FTO: variants seen among roughly 807,000 people sequenced by gnomAD.
The protein encoded by FTO is FTO alpha-ketoglutarate dependent dioxygenase, also known as alpha-ketoglutarate-dependent dioxygenase FTO.
In FTO, 47 loss-of-function variants were observed where a neutral mutation model predicts 63.9. That is an observed-to-expected ratio of 0.74 (90% CI 0.58 to 0.94). FTO has a LOEUF of 0.94. FTO is among the 40% of genes least tolerant of loss of function. FTO has a pLI of 0.00. For synonymous variants in FTO, 207 were observed against 224.4 expected (o/e 0.92, Z 0.69); for missense variants, 562 against 618.1 (o/e 0.91, Z 0.96).
chr16:53,974,050 A>AT (rs1410649116), intron 8 of FTO, among the ~76,000 whole-genome samples: 1 of 152,150 alleles, frequency 6.6e-6, no homozygotes, highest in African/African-American at 2.4e-5. Context: ...GGATATGTAG[A>AT]TTTATGGGCC....
intron 8 of FTO, among the ~76,000 whole-genome samples, chr16:54,099,628 A>G (rs981080686): frequency 6.6e-6 from 1 of 152,164 alleles, no homozygotes; most frequent in Non-Finnish European, 1.5e-5. Flanking sequence ...TAGCCCATTC[A>G]TCACTATCAT....
chr16:53,734,099 T>A (rs1210980421), intron 1 of FTO, among the ~76,000 whole-genome samples: 1 of 152,234 alleles, frequency 6.6e-6, no homozygotes, highest in Non-Finnish European at 1.5e-5. Context: ...ATTTCTTGGG[T>A]TAATGGTATT....
rs1482706473 is a variant in FTO, at chr16:54,059,386, G to A, written c.1365-52376G>A. Among the ~76,000 whole-genome samples, 10 of 152,054 alleles carry A rather than the reference G, an allele frequency of 6.6e-5. 1 individual carries two copies. The highest frequency in any genetic ancestry group is 5.2e-4 in the Admixed American group (8 of 15,274). On this transcript the variant is annotated intron_variant, in intron 8 of 8. Coordinates refer to ENST00000471389, the MANE Select transcript of FTO (RefSeq NM_001080432.3). The stretch of plus-strand genomic sequence containing the variant: ...TGCAGGGCCTTTATTTTCCCTCTTG[G>A]TGACATTCCTGAGAAAGTGCCTGAT...
intron 1 of FTO, among the ~76,000 whole-genome samples, chr16:53,713,382 G>C (rs1030831698): frequency 3.1e-4 from 47 of 152,278 alleles, no homozygotes; most frequent in African/African-American, 1.1e-3. Flanking sequence ...TTCTAGAGGA[G>C]AGGAACTTTT....
intron 1 of FTO, among the ~76,000 whole-genome samples, chr16:53,753,930 C>G (rs1335334192): frequency 6.6e-6 from 1 of 152,290 alleles, no homozygotes; most frequent in Non-Finnish European, 1.5e-5. Flanking sequence ...GAGGCAGCTC[C>G]CACTGCACTT....
intron 8 of FTO, among the ~76,000 whole-genome samples, chr16:54,087,711 G>C (rs2086281380): frequency 6.6e-6 from 1 of 152,190 alleles, no homozygotes; most frequent in African/African-American, 2.4e-5. Context: ...GCTGAGGCAG[G>C]AGGATTGCTT....
intron 8 of FTO, among the ~76,000 whole-genome samples, chr16:54,029,856 T>G (rs1373409568): frequency 6.6e-6 from 1 of 152,222 alleles, no homozygotes; most frequent in Non-Finnish European, 1.5e-5. Flanking sequence ...AGAAAAGCAC[T>G]TATTAAAGAA....
At chr16:53,730,587 C>T (rs1405876090) in intron 1 of FTO, among the ~76,000 whole-genome samples, 1 of 152,066 alleles carries the variant, frequency 6.6e-6, no homozygotes, top group Non-Finnish European at 1.5e-5. Flanking sequence ...CTCAACTTCC[C>T]AGGCTCAGGT....
chr16:53,963,216 G>C (rs770826659), intron 8 of FTO, among the ~76,000 whole-genome samples: 15 of 152,122 alleles, frequency 9.9e-5, no homozygotes, highest in Non-Finnish European at 1.9e-4. Context: ...CTGCATGTGT[G>C]CATTTCAGAC....
intron 8 of FTO, among the ~76,000 whole-genome samples, chr16:54,006,867 T>C (rs1032400914): frequency 6.6e-6 from 1 of 152,184 alleles, no homozygotes; most frequent in Non-Finnish European, 1.5e-5. Context: ...TGTTTGTCAC[T>C]GTGAGAAATG....
intron 8 of FTO, among the ~76,000 whole-genome samples, chr16:54,061,331 A>G (rs1317864110): frequency 6.6e-6 from 1 of 152,172 alleles, no homozygotes; most frequent in East Asian, 1.9e-4. Context: ...TAACTTTCAG[A>G]CTTCATTGCT....
intron 1 of FTO, among the ~76,000 whole-genome samples, chr16:53,764,963 G>A (rs2077164741): frequency 6.6e-6 from 1 of 151,884 alleles, no homozygotes. Flanking sequence ...CAAATGATCT[G>A]CCCGCTTCGG....
At chr16:53,984,637 TA>T (rs2083624506) in intron 8 of FTO, among the ~76,000 whole-genome samples, 1 of 152,146 alleles carries the variant, frequency 6.6e-6, no homozygotes, top group Non-Finnish European at 1.5e-5. Flanking sequence ...TGTTACTTTT[TA>T]AAGTACATTG....
At chr16:53,993,662 A>G (rs2083866857) in intron 8 of FTO, 1 of 152,208 alleles carries the variant, frequency 6.6e-6, no homozygotes, top group African/African-American at 2.4e-5. Context: ...CAAGCTCTTA[A>G]GATCTACCAA....
Position 53,811,976 on chromosome 16 carries a change from CTAA to C in FTO, c.123+1761_123+1763del, listed in dbSNP as rs2078539374. Among the ~76,000 whole-genome samples, 3 of 152,134 alleles carry C rather than the reference CTAA, an allele frequency of 2.0e-5. No individual in the cohort carries two copies. The East Asian group carries it at 5.8e-4, about 30-fold the overall frequency. On this transcript the variant is annotated intron_variant, in intron 2 of 8. Transcript: ENST00000471389. Reference sequence around the variant, plus strand: ...CACTGGCATGTGCCACCACGCCTGGCTAATTTTTTGTATTTTTGTAGAGACAGG... The same window carrying C: ...CACTGGCATGTGCCACCACGCCTGGCTTTTTTGTATTTTTGTAGAGACAGG...
chr16:53,703,974 CA>C (rs759238300), upstream of FTO: 9 of 644,912 alleles, frequency 1.4e-5, no homozygotes, highest in Non-Finnish European at 2.2e-5. Flanking sequence ...TACGCTCTTC[CA>C]GCTGTCGGAC....
intron 8 of FTO, among the ~76,000 whole-genome samples, chr16:54,028,528 A>G (rs912163273): frequency 2.0e-5 from 3 of 152,194 alleles, no homozygotes; most frequent in South Asian, 2.1e-4. Context: ...GTGGTCAAAG[A>G]AAAAAGAGAA....
chr16:53,944,652 TTA>T (rs1264868761), intron 8 of FTO, among the ~76,000 whole-genome samples: 1 of 152,156 alleles, frequency 6.6e-6, no homozygotes, highest in African/African-American at 2.4e-5. Context: ...ACTAGATGAG[TTA>T]CTTAACCCCT....
At chr16:53,993,629 T>C (rs1284431053) in intron 8 of FTO, 2 of 152,234 alleles carry the variant, frequency 1.3e-5, no homozygotes, top group Admixed American at 6.5e-5. Flanking sequence ...TTTGTTTCTC[T>C]CAAGGCAGTA....
Sources: gnomAD v4.1 joint callset for allele counts (sites outside exome capture counted in the v4.1 genomes callset) on GRCh38, gnomAD v4.1.1 for gene constraint, MANE v1.5 for transcripts, NCBI Gene and HGNC (gene_info 2026-07-23, HGNC 2026-07-21) for gene names.